The following PARP14 variants were observed in gnomAD, a reference collection of about 807,000 sequenced individuals.
The protein encoded by PARP14 is poly(ADP-ribose) polymerase family member 14, also known as protein mono-ADP-ribosyltransferase PARP14.
PARP14 carries 59 observed loss-of-function variants against 154.2 expected under a neutral mutation model. That is an observed-to-expected ratio of 0.38 (90% CI 0.31 to 0.48). PARP14 has a LOEUF of 0.48. Among genes scored for constraint, PARP14 ranks in the 20% least tolerant of loss-of-function variants. The pLI is 0.98. For synonymous variants in PARP14, 720 were observed against 780.5 expected, an observed-to-expected ratio of 0.92 and a Z score of 1.29; for missense variants, 1,734 against 2,131.6, an observed-to-expected ratio of 0.81 and a Z score of 3.67.
At chr3:122,716,719 G>C (rs181898323) in intron 12 of PARP14, among the ~76,000 whole-genome samples, 2 of 151,938 alleles carry the variant, frequency 1.3e-5, no homozygotes, top group South Asian at 4.2e-4. Flanking sequence ...TTATTACAGC[G>C]TCCTAACTAG....
chr3:122,681,146 C>T lies in PARP14; in HGVS notation c.187+76C>T, dbSNP rs968898263. The T allele has an allele frequency of 4.9e-6, 4 of 812,990 alleles. No homozygotes were observed. Among genetic ancestry groups the T allele is most frequent in the Admixed American group, 3.1e-5 (1 of 32,346 alleles). The allele number at this position is 812,990 out of a possible 1,614,324, so 50.4% of individuals were successfully genotyped here. A position where few individuals can be genotyped will look rare whatever the true frequency, so the allele number is the denominator to read the frequency against. On this transcript the variant is annotated intron_variant, in intron 1 of 16. Coordinates refer to ENST00000474629, the MANE Select transcript of PARP14 (RefSeq NM_017554.3). This position sits in a 1 kb window ranked among gnomAD's most constrained non-coding sequence, Gnocchi z 5.5. ...CAGGGAAATGGCGGCAGGGCACGCA[C>T]GGGAGGGTGACCCGCCCGACTTCGG...
chr3:122,720,688 G>T, intron 15 of PARP14: 1 of 452,442 alleles, frequency 2.2e-6, no homozygotes, highest in East Asian at 5.7e-5. Context: ...GGATTTGATA[G>T]CTAGCAAATT....
chr3:122,701,375 A>G lies in PARP14; in HGVS notation c.2821A>G (p.Ile941Val), dbSNP rs774045514. 6 of 1,614,074 alleles carry G rather than the reference A, an allele frequency of 3.7e-6. No homozygotes were observed. Among genetic ancestry groups the G allele is most frequent in the Non-Finnish European group, 5.1e-6 (6 of 1,179,894 alleles). Residue 941 changes from isoleucine to valine, a missense_variant, in exon 6 of 17, where the codon ATC (isoleucine) becomes GTC (valine). Around this residue, in one of 2 missense-constraint regions of PARP14, gnomAD observed 1,646 missense variants for 1,976.0 expected, o/e 0.83. Transcript: ENST00000474629. This position sits in a 1 kb window ranked among gnomAD's most constrained non-coding sequence, Gnocchi z 4.0. ...GRCVETIVSAIKENFQFKKDG... is the reference protein window; with the variant it reads ...GRCVETIVSAVKENFQFKKDG... ...ATGCGTGGAGACCATTGTTTCTGCC[A>G]TCAAGGAAAACTTCCAATTCAAGAA...
intron 2 of PARP14, among the ~76,000 whole-genome samples, chr3:122,685,723 T>G (rs1938353762): frequency 6.6e-6 from 1 of 152,102 alleles, no homozygotes; most frequent in Non-Finnish European, 1.5e-5. Flanking sequence ...TTGGCCAGGC[T>G]GGTATCAAAC....
chr3:122,684,459 G>A lies in PARP14; in HGVS notation c.188-726G>A, dbSNP rs376515060. ...TGCATTCATGGACACCACTTTAAGT[G>A]AGGAAACTGAGAGTTGAGAGAAGTT... On this transcript the variant is annotated intron_variant, in intron 1 of 16. Transcript: ENST00000474629. Among the ~76,000 whole-genome samples the A allele has an allele frequency of 2.4e-4, 36 of 152,336 alleles. No individual in the cohort carries two copies. The South Asian group carries it at 7.0e-3, about 30-fold the overall frequency.
chr3:122,712,047 T>C (rs994789216), intron 9 of PARP14, among the ~76,000 whole-genome samples: 8 of 152,072 alleles, frequency 5.3e-5, no homozygotes, highest in Non-Finnish European at 1.2e-4. Flanking sequence ...TTTTGTTTCA[T>C]TTTTATCTTT....
At chr3:122,709,901 T>TG (rs140794032) in intron 9 of PARP14, among the ~76,000 whole-genome samples, 3 of 119,776 alleles carry the variant, frequency 2.5e-5, no homozygotes, top group Non-Finnish European at 5.7e-5. Flanking sequence ...TGTTTTTTTT[T>TG]TTGTTTGTTT....
intron 12 of PARP14, among the ~76,000 whole-genome samples, chr3:122,716,770 G>A (rs2107652747): frequency 6.6e-6 from 1 of 152,222 alleles, no homozygotes; most frequent in Admixed American, 6.5e-5. Context: ...TACCCCTCCA[G>A]ACTTAACTTC....
intron 9 of PARP14, among the ~76,000 whole-genome samples, chr3:122,711,283 G>T (rs892004131): frequency 1.3e-5 from 2 of 152,068 alleles, no homozygotes; most frequent in African/African-American, 4.8e-5. Flanking sequence ...TTTGTTGAGG[G>T]TTTTTATAAT....
chr3:122,700,081 C>T lies in PARP14; in HGVS notation c.1527C>T (p.Cys509=). 6.2e-7 allele frequency: 1 copy of T among 1,613,790 alleles called. No homozygotes were observed. The change falls in exon 6 of 17, where the codon TGC becomes TGT. Residue 509 remains cysteine (C), a synonymous_variant. Coordinates refer to ENST00000474629, the MANE Select transcript of PARP14 (RefSeq NM_017554.3). The stretch of plus-strand genomic sequence containing the variant: ...ACGATAGAGTCACTCAACACTTGTG[C>T]TTGAAAGGACCTAGTGCAGATGTGT... The part of the protein sequence containing the change: ...ICYDRVTQHL[C]LKGPSADVYK...
At chr3:122,713,336 C>T (rs1335409130) in intron 9 of PARP14, 88 bp from the exon 10 acceptor site, 4 of 1,044,836 alleles carry the variant, frequency 3.8e-6, no homozygotes, top group South Asian at 1.6e-5. Context: ...AGAGGGAAGA[C>T]ATCCAAGAGG....
At chr3:122,709,893 T>G (rs572359495) in intron 9 of PARP14, among the ~76,000 whole-genome samples, 468 of 43,890 alleles carry the variant, frequency 0.011, 8 homozygotes, top group Non-Finnish European at 5.0e-3. Flanking sequence ...GGATTATTTG[T>G]TTTTTTTTTT....
Position 122,680,849 on chromosome 3 carries a change from C to G in PARP14, c.-35C>G. 2 of 1,529,704 alleles carry G rather than the reference C, an allele frequency of 1.3e-6. No homozygotes were observed. Among genetic ancestry groups the G allele is most frequent in the Non-Finnish European group, 1.8e-6 (2 of 1,123,798 alleles). 94.8% of individuals were successfully genotyped at this position (1,529,704 alleles called of 1,614,324 possible). On this transcript the variant is annotated 5_prime_UTR_variant, in exon 1 of 17. Transcript: ENST00000474629. ...CAAAGTTAGCGGCCCGGAGTTGGCG[C>G]GGCCCCTGCAGTCCGGCGGAGAGCG...
rs368740064 is a variant in PARP14, at chr3:122,681,438, G to A, written c.187+368G>A. Among the ~76,000 whole-genome samples, 7 of 152,296 alleles carry A rather than the reference G, an allele frequency of 4.6e-5. No individual in the cohort carries two copies. The South Asian group carries it at 1.2e-3, about 27-fold the overall frequency. On this transcript the variant is annotated intron_variant, in intron 1 of 16. Coordinates refer to ENST00000474629, the MANE Select transcript of PARP14 (RefSeq NM_017554.3). This position sits in a 1 kb window ranked among gnomAD's most constrained non-coding sequence, Gnocchi z 5.5. ...TTATCATCCTTTTCTGTCTTTTCCT[G>A]TTGTTATTATTCTTGTGTGGGGAAG...
chr3:122,724,817 C>T (rs956099264), intron 15 of PARP14, among the ~76,000 whole-genome samples: 1 of 152,054 alleles, frequency 6.6e-6, no homozygotes, highest in Non-Finnish European at 1.5e-5. Flanking sequence ...GTGTTTGTGT[C>T]CCTGGGTACT....
At chr3:122,714,871 A>G (rs1932946571) in intron 12 of PARP14, among the ~76,000 whole-genome samples, 1 of 152,164 alleles carries the variant, frequency 6.6e-6, no homozygotes, top group Non-Finnish European at 1.5e-5. Context: ...TGATTCCCAG[A>G]GGAATATTAC....
At chr3:122,719,512 T>C (rs1488337192) in intron 14 of PARP14, among the ~76,000 whole-genome samples, 2 of 152,216 alleles carry the variant, frequency 1.3e-5, no homozygotes, top group African/African-American at 4.8e-5. Flanking sequence ...TGACCAGACC[T>C]ACTCTCCAAG....
In PARP14 at chr3:122,721,067, ATTTTC is replaced by A. The variant is rs1358470494; in HGVS notation, c.4941+685_4941+689del. 9 of 329,094 alleles carry A rather than the reference ATTTTC, an allele frequency of 2.7e-5. No homozygotes were observed. In the East Asian group the frequency reaches 3.7e-4, roughly 13 times the overall value. 20.4% of individuals were successfully genotyped at this position (329,094 alleles called of 1,614,324 possible). ...ATTATGATTTTTTTTTCCTTGACTA[ATTTTC>A]TTTTCATTTTTGCAGGCACGCTGTT... is the stretch of plus-strand genomic sequence containing the variant. On this transcript the variant is annotated intron_variant, in intron 15 of 16. Coordinates refer to ENST00000474629, the MANE Select transcript of PARP14 (RefSeq NM_017554.3).
intron 14 of PARP14, among the ~76,000 whole-genome samples, chr3:122,719,255 T>C (rs1202014101): frequency 6.6e-6 from 1 of 152,106 alleles, no homozygotes; most frequent in South Asian, 2.1e-4. Flanking sequence ...GAGAAGGTAA[T>C]AGCAGCATCA....
Sources: gnomAD v4.1 joint callset for allele counts (sites outside exome capture counted in the v4.1 genomes callset) on GRCh38, gnomAD v4.1.1 for gene constraint, gnomAD v4.1.1 regional missense constraint, Gnocchi (gnomAD v3.1) non-coding constraint, MANE v1.5 for transcripts, NCBI Gene and HGNC (gene_info 2026-07-23, HGNC 2026-07-21) for gene names.